The following SLC6A4 variants were observed in gnomAD, a reference collection of about 807,000 sequenced individuals.
SLC6A4 encodes solute carrier family 6 member 4.
A neutral mutation model predicts 73.4 loss-of-function variants in SLC6A4; 22 were observed. The ratio of observed to expected loss-of-function variants is 0.30; its 90% CI spans 0.21 to 0.43. The LOEUF (loss-of-function observed/expected upper bound fraction) is 0.43, where lower values mean the gene tolerates loss of function less well. Ranked by LOEUF, SLC6A4 falls within the 20% of genes least tolerant of loss-of-function variation. SLC6A4 has a pLI of 1.00. For missense variants in SLC6A4, 593 were observed against 808.5 expected (o/e 0.73, Z 3.23); for synonymous variants, 270 against 315.5 (o/e 0.86, Z 1.53).
intron 1 of SLC6A4, among the ~76,000 whole-genome samples, chr17:30,226,202 A>G (rs538909954): frequency 1.3e-5 from 2 of 152,378 alleles, no homozygotes; most frequent in South Asian, 4.1e-4. Context: ...AGATAGGATT[A>G]GTTACAGGTC....
intron 3 of SLC6A4, 103 bp from the exon 4 acceptor site, chr17:30,219,034 C>A: frequency 7.0e-7 from 1 of 1,421,262 alleles, no homozygotes; most frequent in South Asian, 1.2e-5. Context: ...ATGTGAGTGT[C>A]AGGAGCCACC....
At position 30,222,191 on chromosome 17, in the gene SLC6A4, C is replaced by T. The variant is rs887548795; in HGVS notation, c.-123-110G>A. ...ACATTAGTTAACGGGATTACAAATG[C>T]ATCTGTTAAATGTGAGACATCCTAT... is the stretch of plus-strand genomic sequence containing the variant. On this transcript the variant is annotated intron_variant, in intron 2 of 14. Transcript: ENST00000650711. The T allele has an allele frequency of 2.5e-5, 17 of 671,560 alleles. No individual in the cohort carries two copies. The African/African-American group carries it at 3.1e-4, about 12-fold the overall frequency. 41.6% of individuals were successfully genotyped at this position (671,560 alleles called of 1,614,324 possible). A position where few individuals can be genotyped will look rare whatever the true frequency, so the allele number is the denominator to read the frequency against.
rs763898530 is a variant in SLC6A4 at position 30,217,302 on chromosome 17, C to T, written c.701G>A (p.Arg234His). The T allele has an allele frequency of 1.1e-5, 18 of 1,612,986 alleles. No individual in the cohort carries two copies. Among genetic ancestry groups the T allele is most frequent in the East Asian group, 4.5e-5 (2 of 44,886 alleles). The change falls in exon 6 of 15, where the codon CGC becomes CAC. Residue 234 changes from arginine (R) to histidine (H), a missense_variant and splice_region_variant. Physicochemically the swap from Arg to His is conservative, Grantham distance 29. Coordinates refer to ENST00000650711, the MANE Select transcript of SLC6A4 (RefSeq NM_001045.6). ...AGACCGGTGGATCTGCAGGACGTGG[C>T]GCCTGGGGTGAAGGAGAAAGAAAGG... ...STSPAEEFYT[R>H]HVLQIHRSKG... is the part of the protein sequence containing the mutation.
chr17:30,215,491 G>C (rs1005996425), intron 8 of SLC6A4, 120 bp downstream of exon 8: 1 of 789,230 alleles, frequency 1.3e-6, no homozygotes, highest in African/African-American at 1.7e-5. Flanking sequence ...CTGAGGGGCA[G>C]TGGTATCAAG....
intron 1 of SLC6A4, among the ~76,000 whole-genome samples, chr17:30,223,852 C>T (rs1256320210): frequency 6.6e-6 from 1 of 152,062 alleles, no homozygotes; most frequent in Non-Finnish European, 1.5e-5. Context: ...TTGGCCTCCC[C>T]CCACTTCCCC....
At chr17:30,226,838 G>A (rs569222770) in intron 1 of SLC6A4, among the ~76,000 whole-genome samples, 16 of 149,936 alleles carry the variant, frequency 1.1e-4, no homozygotes, top group South Asian at 8.4e-4. Flanking sequence ...GCCAAACTGC[G>A]CTCCAGCCTG....
chr17:30,201,333 C>T (rs1455138282), intron 14 of SLC6A4, among the ~76,000 whole-genome samples: 2 of 152,128 alleles, frequency 1.3e-5, no homozygotes, highest in African/African-American at 2.4e-5. Flanking sequence ...CCGGGTAACC[C>T]GCTGCTCCCC....
Position 30,232,597 on chromosome 17 carries a change from T to C in SLC6A4, c.-221+3016A>G, listed in dbSNP as rs1003982535. Among the ~76,000 whole-genome samples, 3 of 152,132 alleles carry C rather than the reference T, an allele frequency of 2.0e-5. No homozygotes were observed. In the East Asian group the frequency reaches 5.8e-4, roughly 29 times the overall value. On this transcript the variant is annotated intron_variant, in intron 1 of 14. Coordinates refer to ENST00000650711, the MANE Select transcript of SLC6A4 (RefSeq NM_001045.6). ...AAATCCCCTTGGTTCAGGGTTGGGA[T>C]GGAAGCTGGGGAGCTGCTGCCAGGT...
intron 14 of SLC6A4, among the ~76,000 whole-genome samples, chr17:30,200,402 G>T (rs1169970866): frequency 6.6e-6 from 1 of 152,210 alleles, no homozygotes; most frequent in Non-Finnish European, 1.5e-5. Flanking sequence ...ACTCATTAGG[G>T]ACCATTTTCC....
chr17:30,212,908 A>G, intron 8 of SLC6A4, 41 bp from the exon 9 acceptor site: 1 of 1,610,520 alleles, frequency 6.2e-7, no homozygotes, highest in Non-Finnish European at 8.5e-7. Flanking sequence ...GACAGTTCCA[A>G]GATCAGGGGT....
At chr17:30,221,122 G>T (rs561252349) in intron 3 of SLC6A4, among the ~76,000 whole-genome samples, 1 of 151,490 alleles carries the variant, frequency 6.6e-6, no homozygotes, top group Non-Finnish European at 1.5e-5. Context: ...GACTACAGGC[G>T]CCCACCACCA....
rs1905862252 is a variant in SLC6A4 at position 30,196,352 on chromosome 17, CAG to C, written c.*2102_*2103del. Reference sequence around the variant, plus strand: ...ATAAATGCATACTATGCGGAACAGACAGAGATTTTCGATTTTTTTTTTTTAGT... The same window carrying C: ...ATAAATGCATACTATGCGGAACAGACAGATTTTCGATTTTTTTTTTTTAGT... On this transcript the variant is annotated 3_prime_UTR_variant, in exon 15 of 15. Coordinates refer to ENST00000650711, the MANE Select transcript of SLC6A4 (RefSeq NM_001045.6). The C allele has an allele frequency of 6.7e-6, 1 of 149,412 alleles. No individual in the cohort carries two copies. The highest frequency in any genetic ancestry group is 1.5e-5 in the Non-Finnish European group (1 of 67,542). 9.3% of individuals were successfully genotyped at this position (149,412 alleles called of 1,614,324 possible).
At chr17:30,202,517 T>C (rs1025011899) in intron 14 of SLC6A4, among the ~76,000 whole-genome samples, 1 of 152,224 alleles carries the variant, frequency 6.6e-6, no homozygotes, top group Non-Finnish European at 1.5e-5. Context: ...GGTACTTTGA[T>C]AACAGAATAG....
At position 30,234,472 on chromosome 17, in the gene SLC6A4, G is replaced by A. The variant is rs56105746; in HGVS notation, c.-221+1141C>T. 1.6e-3 allele frequency among the ~76,000 whole-genome samples: 245 copies of A among 152,306 alleles called. 1 individual carries two copies. Among genetic ancestry groups the A allele is most frequent in the African/African-American group, 5.5e-3 (228 of 41,566 alleles). On this transcript the variant is annotated intron_variant, in intron 1 of 14. Coordinates refer to ENST00000650711, the MANE Select transcript of SLC6A4 (RefSeq NM_001045.6). ...AACGGTCACTGCCACCCCAGAGTGC[G>A]TGGCAGGAAAACCCGAACCCTGGGG...
chr17:30,220,459 G>A (rs1906711868), intron 3 of SLC6A4, among the ~76,000 whole-genome samples: 2 of 152,144 alleles, frequency 1.3e-5, no homozygotes, highest in Admixed American at 6.5e-5. Flanking sequence ...GGCTTTAGGG[G>A]TACAAGGAAC....
At position 30,211,373 on chromosome 17, in the gene SLC6A4, G is replaced by A. The variant is rs143632225; in HGVS notation, c.1256C>T (p.Ala419Val). ...TYAEAIANMP[A>V]STFFAIIFFL... ...GAAGATGATGGCAAAGAAAGTGGAC[G>A]CTGGCATGTTGGCTATCGCTTCTGC... is the stretch of plus-strand genomic sequence containing the variant. Residue 419 changes from alanine (A) to valine (V), a missense_variant, in exon 10 of 15, where the codon GCG becomes GTG. By Grantham distance (64) the Ala-to-Val change is moderately conservative. Transcript: ENST00000650711. This position sits in a 1 kb window ranked among gnomAD's most constrained non-coding sequence, Gnocchi z 4.0. The A allele has an allele frequency of 9.3e-6, 15 of 1,613,702 alleles. No individual in the cohort carries two copies. Among genetic ancestry groups the A allele is most frequent in the South Asian group, 2.2e-5 (2 of 91,074 alleles).
intron 8 of SLC6A4, 86 bp from the exon 9 acceptor site, chr17:30,212,953 T>C (rs113590337): frequency 2.1e-5 from 30 of 1,440,628 alleles, no homozygotes; most frequent in African/African-American, 1.7e-4. Flanking sequence ...TGCCCTGCCT[T>C]AGACAGGGCG....
intron 1 of SLC6A4, among the ~76,000 whole-genome samples, chr17:30,229,298 A>C (rs1597646512): frequency 6.6e-6 from 1 of 152,292 alleles, no homozygotes; most frequent in Admixed American, 6.5e-5. Flanking sequence ...TGGAACTTAG[A>C]ATATATTTCC....
At chr17:30,230,044 GA>G (rs753362384) in intron 1 of SLC6A4, among the ~76,000 whole-genome samples, 13 of 81,302 alleles carry the variant, frequency 1.6e-4, no homozygotes, top group East Asian at 7.1e-4. Context: ...AGAAAAAGAA[GA>G]AAGAAGAAGA....
Sources: allele counts gnomAD v4.1 joint callset (sites outside exome capture counted in the v4.1 genomes callset), GRCh38; gene constraint gnomAD v4.1.1; non-coding constraint Gnocchi (gnomAD v3.1); transcripts MANE v1.5; gene names NCBI Gene and HGNC (gene_info 2026-07-23, HGNC 2026-07-21).